CNNM2: variants seen among roughly 807,000 people sequenced by gnomAD.
The protein encoded by CNNM2 is metal transporter CNNM2.
CNNM2 carries 12 observed loss-of-function variants against 66.9 expected under a neutral mutation model. The observed-to-expected ratio is 0.18, with a 90% confidence interval of 0.11 to 0.29. The LOEUF is 0.29. CNNM2 is among the 10% of genes least tolerant of loss of function. The pLI, the probability that CNNM2 is intolerant of heterozygous loss-of-function variation, is 1.00. For missense variants in CNNM2, 705 were observed against 1,167.7 expected (o/e 0.60, Z 5.77); for synonymous variants, 557 against 501.8 (o/e 1.11, Z -1.47).
intron 1 of CNNM2, among the ~76,000 whole-genome samples, chr10:102,932,327 G>A (rs1490493062): frequency 6.6e-6 from 1 of 151,998 alleles, no homozygotes; most frequent in African/African-American, 2.4e-5. Context: ...TGGGATTACA[G>A]GTGTGAGCCA....
intron 6 of CNNM2, among the ~76,000 whole-genome samples, chr10:103,075,393 C>A (rs888004811): frequency 2.0e-5 from 3 of 152,200 alleles, no homozygotes; most frequent in African/African-American, 7.2e-5. Context: ...AGAGCAACAA[C>A]ACCCAGACTG....
intron 1 of CNNM2, among the ~76,000 whole-genome samples, chr10:103,039,092 G>A (rs1461127827): frequency 6.6e-6 from 1 of 151,920 alleles, no homozygotes; most frequent in African/African-American, 2.4e-5. Flanking sequence ...AAATGAAATT[G>A]TATTGCTTCT....
rs544778461 is a variant in CNNM2, at chr10:103,079,150, T to A, written c.*1970T>A. 2.0e-5 allele frequency: 3 copies of A among 152,294 alleles called. No individual in the cohort carries two copies. Among genetic ancestry groups the A allele is most frequent in the East Asian group, 3.9e-4 (2 of 5,180 alleles). 9.4% of individuals were successfully genotyped at this position (152,294 alleles called of 1,614,324 possible). ...ACCCCACTCTAAGCATCCTTTTTTTTAAACAGAGCCATCTAGATACAAAAG... is the reference window on the plus strand; with the variant it reads ...ACCCCACTCTAAGCATCCTTTTTTTAAAACAGAGCCATCTAGATACAAAAG... On this transcript the variant is annotated 3_prime_UTR_variant, in exon 8 of 8. Coordinates refer to ENST00000369878, the MANE Select transcript of CNNM2 (RefSeq NM_017649.5).
rs2065798979 is a variant in CNNM2 at position 103,085,658 on chromosome 10, T to C, written c.*8478T>C. ...AAGGGACGAGATTCAAAATTCATCA[T>C]TGTGTTTTAAATTTAAATTGGAAAA... On this transcript the variant is annotated 3_prime_UTR_variant, in exon 8 of 8. Coordinates refer to ENST00000369878, the MANE Select transcript of CNNM2 (RefSeq NM_017649.5). 1.3e-5 allele frequency: 2 copies of C among 152,178 alleles called. No individual in the cohort carries two copies. Among genetic ancestry groups the C allele is most frequent in the South Asian group, 4.1e-4 (2 of 4,834 alleles). The allele number at this position is 152,178 out of a possible 1,614,324, so 9.4% of individuals were successfully genotyped here.
At chr10:103,056,751 C>G in intron 3 of CNNM2, 44 bp from the exon 4 acceptor site, 1 of 1,557,594 alleles carries the variant, frequency 6.4e-7, no homozygotes, top group Non-Finnish European at 8.8e-7. Context: ...TAATTTTTCT[C>G]TCTCTGTTTG....
At chr10:102,966,958 C>T (rs889417487) in intron 1 of CNNM2, among the ~76,000 whole-genome samples, 1 of 152,034 alleles carries the variant, frequency 6.6e-6, no homozygotes, top group Admixed American at 6.6e-5. Flanking sequence ...TGGAAGAATG[C>T]AGAGAGCTAT....
rs924876808 is a variant in CNNM2 at position 102,997,312 on chromosome 10, C to A, written c.1622-52395C>A. 8.9e-4 allele frequency among the ~76,000 whole-genome samples: 136 copies of A among 152,304 alleles called. 2 individuals are homozygous for A. The highest frequency in any genetic ancestry group is 3.2e-3 in the African/African-American group (132 of 41,568). On this transcript the variant is annotated intron_variant, in intron 1 of 7. Transcript: ENST00000369878. ...TGCAGGTGACTGATTTCTCTGGAAG[C>A]TTTTCAGAATCTTAGTATTTTGAAA...
chr10:103,075,361 A>G (rs1270059791), intron 6 of CNNM2, among the ~76,000 whole-genome samples: 4 of 152,212 alleles, frequency 2.6e-5, no homozygotes, highest in Non-Finnish European at 5.9e-5. Context: ...TTCCATTAGA[A>G]GCCACAGTGA....
At chr10:103,007,344 T>C (rs1469657193) in intron 1 of CNNM2, among the ~76,000 whole-genome samples, 2 of 152,144 alleles carry the variant, frequency 1.3e-5, no homozygotes, top group Admixed American at 1.3e-4. Flanking sequence ...TTGAGAAACA[T>C]CTTAACAGAA....
chr10:103,072,720 T>C (rs1411723072), intron 6 of CNNM2, among the ~76,000 whole-genome samples: 2 of 152,240 alleles, frequency 1.3e-5, no homozygotes, highest in African/African-American at 4.8e-5. Context: ...GGTAACACAA[T>C]TTTCCTATAT....
chr10:103,043,132 A>G (rs111533114), intron 1 of CNNM2, among the ~76,000 whole-genome samples: 4 of 152,186 alleles, frequency 2.6e-5, no homozygotes, highest in African/African-American at 9.6e-5. Flanking sequence ...TGTGCAACGC[A>G]GATGTCATGG....
At chr10:102,995,072 G>A (rs1311904466) in intron 1 of CNNM2, among the ~76,000 whole-genome samples, 1 of 138,180 alleles carries the variant, frequency 7.2e-6, no homozygotes, top group African/African-American at 2.7e-5. Context: ...TCAGGAAAGG[G>A]GCTGCCCACA....
rs755663571 is a variant in CNNM2 at position 102,987,568 on chromosome 10, G to A, written c.1622-62139G>A. ...GAACTGCTGACCTCGTGATCTGCCC[G>A]CCTCGGCCTCCCAAAGTGCTGGGAT... is the stretch of plus-strand genomic sequence containing the variant. On this transcript the variant is annotated intron_variant, in intron 1 of 7. Transcript: ENST00000369878. 1.3e-4 allele frequency among the ~76,000 whole-genome samples: 20 copies of A among 152,054 alleles called. No homozygotes were observed. The East Asian group carries it at 2.5e-3, about 19-fold the overall frequency.
chr10:103,071,904 G>C, intron 6 of CNNM2, 65 bp downstream of exon 6: 1 of 1,438,164 alleles, frequency 7.0e-7, no homozygotes, highest in Non-Finnish European at 9.8e-7. Context: ...ATCACGCCTG[G>C]CTGGCTGGGT....
In CNNM2 at chr10:103,087,496, T is replaced by A. The variant is rs571549753; in HGVS notation, c.*10316T>A. On this transcript the variant is annotated 3_prime_UTR_variant, in exon 8 of 8. Coordinates refer to ENST00000369878, the MANE Select transcript of CNNM2 (RefSeq NM_017649.5). ...ATTTGCCATGGAATCATCTGGCTAG[T>A]AAGACACTCTTATATGGATGCAATA... 1 of 152,130 alleles carries A rather than the reference T, an allele frequency of 6.6e-6. No homozygotes were observed. Among genetic ancestry groups the A allele is most frequent in the African/African-American group, 2.4e-5 (1 of 41,434 alleles). 9.4% of individuals were successfully genotyped at this position (152,130 alleles called of 1,614,324 possible).
intron 1 of CNNM2, among the ~76,000 whole-genome samples, chr10:102,958,336 G>A (rs1220292651): frequency 6.6e-6 from 1 of 152,010 alleles, no homozygotes; most frequent in African/African-American, 2.4e-5. Context: ...GAAAGCAAAT[G>A]AAGTCAAGTG....
Position 102,918,358 on chromosome 10 carries a change from G to A in CNNM2, c.-123G>A, listed in dbSNP as rs1845486539. On this transcript the variant is annotated 5_prime_UTR_variant, in exon 1 of 8. Coordinates refer to ENST00000369878, the MANE Select transcript of CNNM2 (RefSeq NM_017649.5). The surrounding 1 kb of genome is among the most constrained non-coding windows in gnomAD (Gnocchi z 4.1). ...GCTGGCTGAGGTGGAGTCAGTGTCA[G>A]TCAGGGAGGCGAACTGCTGAGCACT... The A allele has an allele frequency of 5.4e-6, 8 of 1,469,508 alleles. No homozygotes were observed. The highest frequency in any genetic ancestry group is 6.3e-6 in the Non-Finnish European group (7 of 1,109,558). The allele number at this position is 1,469,508 out of a possible 1,614,324, so 91.0% of individuals were successfully genotyped here.
intron 7 of CNNM2, 85 bp from the exon 8 acceptor site, chr10:103,076,886 C>A: frequency 8.2e-7 from 1 of 1,214,344 alleles, no homozygotes; most frequent in Non-Finnish European, 1.2e-6. Flanking sequence ...TGCTGTGGGC[C>A]TGTCGGGATT....
chr10:102,956,994 A>AT (rs1847065841), intron 1 of CNNM2, among the ~76,000 whole-genome samples: 1 of 152,072 alleles, frequency 6.6e-6, no homozygotes. Flanking sequence ...AATAATAATA[A>AT]TTTTTTTAAA....
Sources: allele counts gnomAD v4.1 joint callset (sites outside exome capture counted in the v4.1 genomes callset), GRCh38; gene constraint gnomAD v4.1.1; non-coding constraint Gnocchi (gnomAD v3.1); transcripts MANE v1.5; gene names NCBI Gene and HGNC (gene_info 2026-07-23, HGNC 2026-07-21).